MPPED1: variants seen among roughly 807,000 people sequenced by gnomAD.
The protein encoded by MPPED1 is metallophosphoesterase domain-containing protein 1.
A neutral mutation model predicts 36.2 loss-of-function variants in MPPED1; 16 were observed. The observed-to-expected ratio is 0.44, with a 90% CI of 0.30 to 0.67. The LOEUF is 0.67. Among genes scored for constraint, MPPED1 ranks in the 30% least tolerant of loss-of-function variants. MPPED1 has a pLI of 0.10. For missense variants in MPPED1, 307 were observed against 453.4 expected (o/e 0.68, Z 2.93); for synonymous variants, 199 against 191.3 (o/e 1.04, Z -0.33).
At chr22:43,418,436 C>A (rs1345696301) in intron 1 of MPPED1, 7 of 302,698 alleles carry the variant, frequency 2.3e-5, no homozygotes, top group South Asian at 8.6e-5. Context: ...ATGATCCAAG[C>A]ATCTCTTTTG....
chr22:43,477,276 C>T (rs187955237), intron 4 of MPPED1, among the ~76,000 whole-genome samples: 12 of 152,372 alleles, frequency 7.9e-5, no homozygotes, highest in Admixed American at 2.0e-4. Context: ...CTCTCCATCC[C>T]GCAAGGGAGG....
intron 4 of MPPED1, among the ~76,000 whole-genome samples, chr22:43,485,243 TAC>T (rs1490699203): frequency 6.6e-6 from 1 of 151,784 alleles, no homozygotes; most frequent in Non-Finnish European, 1.5e-5. Flanking sequence ...CACACACTCA[TAC>T]ACACATGCAT....
chr22:43,453,324 A>C (rs1248999186), intron 3 of MPPED1, among the ~76,000 whole-genome samples: 4 of 128,314 alleles, frequency 3.1e-5, no homozygotes, highest in African/African-American at 5.0e-5. Flanking sequence ...TCCCCGCACC[A>C]CCCCCCCTGC....
chr22:43,491,521 T>C (rs1932084108), intron 4 of MPPED1, among the ~76,000 whole-genome samples: 1 of 150,326 alleles, frequency 6.7e-6, no homozygotes, highest in Non-Finnish European at 1.5e-5. Flanking sequence ...GTTATGGAGG[T>C]GGTGGTAGTG....
At chr22:43,480,035 A>G (rs748241652) in intron 4 of MPPED1, among the ~76,000 whole-genome samples, 25 of 152,022 alleles carry the variant, frequency 1.6e-4, no homozygotes, top group Non-Finnish European at 3.1e-4. Flanking sequence ...GCTGATTTTT[A>G]AAATTATTTG....
intron 4 of MPPED1, among the ~76,000 whole-genome samples, chr22:43,479,118 G>A (rs990996046): frequency 7.9e-5 from 12 of 152,174 alleles, no homozygotes; most frequent in African/African-American, 2.9e-4. Context: ...TCTGGCTGGG[G>A]CCCTCCACTC....
intron 3 of MPPED1, among the ~76,000 whole-genome samples, chr22:43,449,675 G>T (rs1930495004): frequency 6.6e-6 from 1 of 152,116 alleles, no homozygotes; most frequent in Non-Finnish European, 1.5e-5. Flanking sequence ...ATGCATCAGG[G>T]GGACATGGTT....
At chr22:43,504,223 GA>G (rs1341518609) in intron 6 of MPPED1, among the ~76,000 whole-genome samples, 3 of 152,022 alleles carry the variant, frequency 2.0e-5, no homozygotes, top group Non-Finnish European at 4.4e-5. Flanking sequence ...TGGTGATGAT[GA>G]TAATGGTGAT....
intron 3 of MPPED1, among the ~76,000 whole-genome samples, chr22:43,461,982 T>C (rs1023488351): frequency 2.6e-5 from 4 of 152,212 alleles, no homozygotes; most frequent in African/African-American, 9.6e-5. Context: ...CATTAGTAGC[T>C]GCCTGATCTG....
intron 3 of MPPED1, among the ~76,000 whole-genome samples, chr22:43,463,823 C>CTTTCTTTCT (rs1931050247): frequency 1.3e-5 from 1 of 77,868 alleles, no homozygotes; most frequent in African/African-American, 4.4e-5. Context: ...TTCTTTCTTT[C>CTTTCTTTCT]TTTCTTTCTT....
chr22:43,455,794 G>T (rs1930732970), intron 3 of MPPED1, among the ~76,000 whole-genome samples: 1 of 152,126 alleles, frequency 6.6e-6, no homozygotes, highest in Non-Finnish European at 1.5e-5. Context: ...CACCCCAATT[G>T]CTTGAAAGTT....
chr22:43,435,499 C>T (rs1929927691), intron 3 of MPPED1, among the ~76,000 whole-genome samples: 1 of 151,982 alleles, frequency 6.6e-6, no homozygotes, highest in Admixed American at 6.5e-5. Context: ...GGACTTTGCT[C>T]ATGTCTTTGT....
Position 43,428,807 on chromosome 22 carries a change from C to T in MPPED1, c.224+3598C>T, listed in dbSNP as rs531368178. On this transcript the variant is annotated intron_variant, in intron 2 of 6. Coordinates refer to ENST00000443721, the MANE Select transcript of MPPED1 (RefSeq NM_001044370.2). ...GAGCAAGGCTGAAGACTCCTTGCCC[C>T]GGTGACTGAGAAACCCTATGGGGGT... 3.9e-5 allele frequency among the ~76,000 whole-genome samples: 6 copies of T among 151,906 alleles called. No homozygotes were observed. In the South Asian group the frequency reaches 8.3e-4, roughly 21 times the overall value.
At chr22:43,447,762 C>T (rs1308422407) in intron 3 of MPPED1, among the ~76,000 whole-genome samples, 4 of 146,468 alleles carry the variant, frequency 2.7e-5, no homozygotes, top group African/African-American at 1.0e-4. Flanking sequence ...AGGGTATGCC[C>T]CTTCTCTGTT....
chr22:43,477,378 A>C (rs1047737514), intron 4 of MPPED1, among the ~76,000 whole-genome samples: 5 of 152,180 alleles, frequency 3.3e-5, no homozygotes, highest in Admixed American at 6.5e-5. Context: ...TTGTTGGGCA[A>C]GTTTCACTCA....
At position 43,451,917 on chromosome 22, in the gene MPPED1, C is replaced by G. The variant is rs373722753; in HGVS notation, c.406+16702C>G. 3.9e-5 allele frequency among the ~76,000 whole-genome samples: 6 copies of G among 152,198 alleles called. No homozygotes were observed. The East Asian group carries it at 5.8e-4, about 15-fold the overall frequency. On this transcript the variant is annotated intron_variant, in intron 3 of 6. Transcript: ENST00000443721. The stretch of plus-strand genomic sequence containing the variant: ...CCATGCCTTTCTTGTGTGGGCTGCT[C>G]CTGCCGGAGTGCCAATCCTGACTGC...
At chr22:43,460,564 G>T (rs1214559119) in intron 3 of MPPED1, among the ~76,000 whole-genome samples, 4 of 152,074 alleles carry the variant, frequency 2.6e-5, no homozygotes, top group African/African-American at 7.2e-5. Context: ...ACCAAGGTTT[G>T]TTGTTGTTTA....
chr22:43,467,081 G>A (rs746494666), intron 3 of MPPED1, among the ~76,000 whole-genome samples: 3 of 152,216 alleles, frequency 2.0e-5, no homozygotes, highest in Non-Finnish European at 4.4e-5. Context: ...CAAGAACTCT[G>A]TGGGGAAGCA....
intron 1 of MPPED1, 106 bp downstream of exon 1, chr22:43,412,264 A>G: frequency 1.4e-6 from 1 of 728,456 alleles, no homozygotes; most frequent in African/African-American, 1.9e-5. Flanking sequence ...GGCGCTGCGC[A>G]GGGGCGCCCG....
Sources: allele counts gnomAD v4.1 joint callset (sites outside exome capture counted in the v4.1 genomes callset), GRCh38; gene constraint gnomAD v4.1.1; transcripts MANE v1.5; gene names NCBI Gene and HGNC (gene_info 2026-07-23, HGNC 2026-07-21).